Variants in CCDC85C observed in about 807,000 individuals in gnomAD.
CCDC85C encodes the protein coiled-coil domain-containing protein 85C.
In CCDC85C, 18 loss-of-function variants were observed where a neutral mutation model predicts 38.3. The observed-to-expected ratio is 0.47, with a 90% CI of 0.33 to 0.70. The LOEUF (loss-of-function observed/expected upper bound fraction) is 0.70, where lower values mean the gene tolerates loss of function less well. Among genes scored for constraint, CCDC85C ranks in the 30% least tolerant of loss-of-function variants. CCDC85C has a pLI of 0.03. For synonymous variants in CCDC85C, 264 were observed against 293.8 expected (o/e 0.90, Z 1.04); for missense variants, 566 against 621.2 (o/e 0.91, Z 0.94).
At chr14:99,540,911 T>C (rs955706530) in intron 1 of CCDC85C, among the ~76,000 whole-genome samples, 3 of 152,184 alleles carry the variant, frequency 2.0e-5, no homozygotes, top group African/African-American at 7.2e-5. Flanking sequence ...CCAGATACCC[T>C]GCACTGGGTC....
At chr14:99,586,786 T>C (rs2055031602) in intron 1 of CCDC85C, among the ~76,000 whole-genome samples, 1 of 152,018 alleles carries the variant, frequency 6.6e-6, no homozygotes, top group African/African-American at 2.4e-5. Context: ...GCCACTCTGC[T>C]CTGCCGGCCG....
At chr14:99,585,599 C>T (rs527760213) in intron 1 of CCDC85C, among the ~76,000 whole-genome samples, 8 of 152,340 alleles carry the variant, frequency 5.3e-5, no homozygotes, top group East Asian at 1.9e-4. Context: ...TCACCACACA[C>T]GCGTCTTGTT....
chr14:99,565,409 G>A (rs1898196961), intron 1 of CCDC85C, among the ~76,000 whole-genome samples: 1 of 152,214 alleles, frequency 6.6e-6, no homozygotes, highest in Non-Finnish European at 1.5e-5. Context: ...GGAGGAGGAG[G>A]AAAGCCTTCA....
At chr14:99,580,354 C>T (rs1214584502) in intron 1 of CCDC85C, among the ~76,000 whole-genome samples, 2 of 150,990 alleles carry the variant, frequency 1.3e-5, no homozygotes, top group Non-Finnish European at 2.9e-5. Flanking sequence ...CCCAGAGTCA[C>T]CGTGAGTGCA....
At chr14:99,579,417 C>T (rs2054940912) in intron 1 of CCDC85C, among the ~76,000 whole-genome samples, 2 of 152,210 alleles carry the variant, frequency 1.3e-5, no homozygotes, top group South Asian at 2.1e-4. Flanking sequence ...CTCAGAGATA[C>T]TCACACAGTG....
chr14:99,586,762 G>A (rs569078377), intron 1 of CCDC85C, among the ~76,000 whole-genome samples: 136 of 152,238 alleles, frequency 8.9e-4, no homozygotes, highest in Middle Eastern at 6.8e-3. Flanking sequence ...GTGTCGGCGG[G>A]GGACCCCCAG....
intron 1 of CCDC85C, among the ~76,000 whole-genome samples, chr14:99,573,908 C>T (rs2139966229): frequency 6.6e-6 from 1 of 152,328 alleles, no homozygotes; most frequent in African/African-American, 2.4e-5. Context: ...GGGGCATGCG[C>T]TGGGGCCTCC....
intron 1 of CCDC85C, among the ~76,000 whole-genome samples, chr14:99,582,789 G>A (rs1004336086): frequency 3.3e-5 from 5 of 152,142 alleles, no homozygotes; most frequent in African/African-American, 1.2e-4. Flanking sequence ...ACTCCAGCCT[G>A]GGTGATAGAG....
At chr14:99,593,013 C>T (rs574220834) in intron 1 of CCDC85C, among the ~76,000 whole-genome samples, 91 of 152,300 alleles carry the variant, frequency 6.0e-4, no homozygotes, top group African/African-American at 2.2e-3. Context: ...TTCCACCAGC[C>T]GCTGAGGGAT....
Position 99,511,087 on chromosome 14 carries a change from G to C in CCDC85C, c.*4159C>G. On this transcript the variant is annotated 3_prime_UTR_variant, in exon 6 of 6. Transcript: ENST00000380243. ...GTGAGGACGTTAACCAGCCATATTG[G>C]CTCAATAAATAGCTTCGGTAAGGAG... 1 of 241,086 alleles carries C rather than the reference G, an allele frequency of 4.1e-6. No homozygotes were observed. 14.9% of individuals were successfully genotyped at this position (241,086 alleles called of 1,614,324 possible).
intron 1 of CCDC85C, among the ~76,000 whole-genome samples, chr14:99,586,191 T>G (rs535721504): frequency 8.4e-4 from 128 of 152,316 alleles, no homozygotes; most frequent in African/African-American, 2.9e-3. Flanking sequence ...CACAGAGAAC[T>G]CTGCCCCCGC....
rs1897776397 is a variant in CCDC85C at position 99,544,766 on chromosome 14, T to C, written c.794-8678A>G. 6.6e-6 allele frequency among the ~76,000 whole-genome samples: 1 copy of C among 151,934 alleles called. No homozygotes were observed. Among genetic ancestry groups the C allele is most frequent in the Non-Finnish European group, 1.5e-5 (1 of 67,970 alleles). ...GCCCAGCCCCAGATGTGAAAAGACT[T>C]GATGTTAGTGAGGTTTTCAGTCTGA... is the stretch of plus-strand genomic sequence containing the variant. On this transcript the variant is annotated intron_variant, in intron 1 of 5. Transcript: ENST00000380243. This position sits in a 1 kb window ranked among gnomAD's most constrained non-coding sequence, Gnocchi z 5.3.
chr14:99,575,128 G>T (rs1010669873), intron 1 of CCDC85C, among the ~76,000 whole-genome samples: 8 of 152,356 alleles, frequency 5.3e-5, no homozygotes, highest in South Asian at 2.1e-4. Context: ...CTTCCTGCTG[G>T]CTGGCCCTGC....
chr14:99,595,477 C>A (rs2055133489), intron 1 of CCDC85C, among the ~76,000 whole-genome samples: 2 of 152,172 alleles, frequency 1.3e-5, no homozygotes, highest in South Asian at 4.2e-4. Flanking sequence ...GAACTCCTGA[C>A]CTCAGGTGAT....
intron 3 of CCDC85C, among the ~76,000 whole-genome samples, chr14:99,521,529 CA>C (rs1403008229): frequency 2.6e-5 from 4 of 152,196 alleles, no homozygotes; most frequent in Admixed American, 6.5e-5. Context: ...CGATGCTTCC[CA>C]AGCATCCGCT....
At chr14:99,559,131 G>A (rs1898066022) in intron 1 of CCDC85C, among the ~76,000 whole-genome samples, 1 of 152,114 alleles carries the variant, frequency 6.6e-6, no homozygotes, top group East Asian at 1.9e-4. Context: ...GCAAAACTGT[G>A]AGCCAATTAA....
At chr14:99,549,467 C>T (rs1897865597) in intron 1 of CCDC85C, among the ~76,000 whole-genome samples, 2 of 152,198 alleles carry the variant, frequency 1.3e-5, no homozygotes, top group South Asian at 4.1e-4. Flanking sequence ...TAGGAAGCCA[C>T]CCACCAGCAC....
chr14:99,548,457 G>A lies in CCDC85C; in HGVS notation c.794-12369C>T, dbSNP rs1436180130. ...CTGATGATCGGCGCAGCGGATCAGA[G>A]AGCAGCCTGGCGCGGTTTCCTGCAG... On this transcript the variant is annotated intron_variant, in intron 1 of 5. Coordinates refer to ENST00000380243, the MANE Select transcript of CCDC85C (RefSeq NM_001144995.2). This position sits in a 1 kb window ranked among gnomAD's most constrained non-coding sequence, Gnocchi z 4.9. 1.3e-5 allele frequency among the ~76,000 whole-genome samples: 2 copies of A among 152,024 alleles called. No individual in the cohort carries two copies. Among genetic ancestry groups the A allele is most frequent in the African/African-American group, 4.8e-5 (2 of 41,376 alleles).
In CCDC85C at chr14:99,503,441, G is replaced by A. The variant is rs1173938201; in HGVS notation, c.*11805C>T. 25 of 615,546 alleles carry A rather than the reference G, an allele frequency of 4.1e-5. No homozygotes were observed. Among genetic ancestry groups the A allele is most frequent in the Admixed American group, 3.2e-4 (11 of 34,262 alleles). The allele number at this position is 615,546 out of a possible 1,614,324, so 38.1% of individuals were successfully genotyped here. ...GAAAGAGGAAGGGAGCAGAAATGAT[G>A]ATCTGGTAGGTGCCGTGGTTTGCCC... is the stretch of plus-strand genomic sequence containing the variant. On this transcript the variant is annotated 3_prime_UTR_variant, in exon 6 of 6. Coordinates refer to ENST00000380243, the MANE Select transcript of CCDC85C (RefSeq NM_001144995.2).
Sources: gnomAD v4.1 joint callset for allele counts (sites outside exome capture counted in the v4.1 genomes callset) on GRCh38, gnomAD v4.1.1 for gene constraint, Gnocchi (gnomAD v3.1) non-coding constraint, MANE v1.5 for transcripts, NCBI Gene and HGNC (gene_info 2026-07-23, HGNC 2026-07-21) for gene names.